GTSE1: variants seen among roughly 807,000 people sequenced by gnomAD.
GTSE1 encodes the protein G2 and S phase-expressed protein 1.
A neutral mutation model predicts 60.5 loss-of-function variants in GTSE1; 52 were observed. The observed-to-expected ratio is 0.86, with a 90% CI of 0.69 to 1.08. The LOEUF (loss-of-function observed/expected upper bound fraction) is 1.08, where lower values mean the gene tolerates loss of function less well. Ranked by LOEUF, GTSE1 falls within the 50% of genes least tolerant of loss-of-function variation. The pLI is 0.00. For missense variants in GTSE1, 937 were observed against 961.8 expected, an observed-to-expected ratio of 0.97 and a Z score of 0.34; for synonymous variants, 368 against 386.5, an observed-to-expected ratio of 0.95 and a Z score of 0.56.
In GTSE1 at chr22:46,318,513, A is replaced by G. The variant is rs2077793603; in HGVS notation, c.1432+2101A>G. On this transcript the variant is annotated intron_variant, in intron 7 of 11. Coordinates refer to ENST00000454366, the MANE Select transcript of GTSE1 (RefSeq NM_016426.7). This position sits in a 1 kb window ranked among gnomAD's most constrained non-coding sequence, Gnocchi z 4.8. ...CAGGCCTGCAGATCCTAGCACAACA[A>G]AGGGACTAAGGGAAGATGGTGTCCT... Among the ~76,000 whole-genome samples the G allele has an allele frequency of 6.6e-6, 1 of 152,166 alleles. No homozygotes were observed. Among genetic ancestry groups the G allele is most frequent in the Non-Finnish European group, 1.5e-5 (1 of 68,034 alleles).
rs942453346 is a variant in GTSE1 at position 46,313,293 on chromosome 22, G to A, written c.928-597G>A. 6.6e-6 allele frequency among the ~76,000 whole-genome samples: 1 copy of A among 151,996 alleles called. No homozygotes were observed. Among genetic ancestry groups the A allele is most frequent in the African/African-American group, 2.4e-5 (1 of 41,390 alleles). ...GTAAACCAAGCTGTGTGTACTGGCA[G>A]TTCTTGTTAGAACTGCCCAAAGCTG... On this transcript the variant is annotated intron_variant, in intron 5 of 11. Transcript: ENST00000454366. The surrounding 1 kb of genome is among the most constrained non-coding windows in gnomAD (Gnocchi z 4.4).
intron 3 of GTSE1, 34 bp downstream of exon 3, chr22:46,308,241 C>T (rs2077726262): frequency 3.7e-6 from 6 of 1,604,808 alleles, no homozygotes; most frequent in Non-Finnish European, 5.1e-6. Context: ...TTGCCTTGGG[C>T]ATAACCACAT....
chr22:46,299,741 G>A (rs958180504), intron 2 of GTSE1, among the ~76,000 whole-genome samples: 2 of 152,052 alleles, frequency 1.3e-5, no homozygotes, highest in East Asian at 1.9e-4. Flanking sequence ...ACACAGTAAC[G>A]TCACCTTTTA....
chr22:46,326,370 C>G (rs1305598328), intron 8 of GTSE1, 66 bp from the exon 9 acceptor site: 1 of 1,355,454 alleles, frequency 7.4e-7, no homozygotes, highest in Non-Finnish European at 1.0e-6. Context: ...TTAGCACAGG[C>G]TGAATGATGA....
chr22:46,314,081 T>C lies in GTSE1; in HGVS notation c.1051+68T>C. On this transcript the variant is annotated intron_variant, in intron 6 of 11. Transcript: ENST00000454366. This position sits in a 1 kb window ranked among gnomAD's most constrained non-coding sequence, Gnocchi z 7.1. ...TGAGGCCTGGAGTGCTGCTCAGGCCTTGGAGACTGTTTCTGCAGAACCACT... is the reference window on the plus strand; with the variant it reads ...TGAGGCCTGGAGTGCTGCTCAGGCCCTGGAGACTGTTTCTGCAGAACCACT... The C allele has an allele frequency of 1.3e-6, 2 of 1,580,920 alleles. No homozygotes were observed. Among genetic ancestry groups the C allele is most frequent in the South Asian group, 2.2e-5 (2 of 90,362 alleles).
rs773514719 is a variant in GTSE1 at position 46,312,146 on chromosome 22, G to A, written c.768G>A (p.Lys256=). 1 of 1,611,872 alleles carries A rather than the reference G, an allele frequency of 6.2e-7. No homozygotes were observed. Among genetic ancestry groups the A allele is most frequent in the South Asian group, 1.1e-5 (1 of 90,862 alleles). The part of the protein sequence containing the change: ...RSIPGAAEKP[K]KEIPASPSRT... ...GTTCAAATTAAAATTTTCAGCCCAA[G>A]AAAGAGATTCCAGCTAGTCCTTCCA... Residue 256 remains lysine (K), a synonymous_variant, in exon 5 of 12, where the codon AAG becomes AAA. Transcript: ENST00000454366.
intron 2 of GTSE1, among the ~76,000 whole-genome samples, chr22:46,302,125 CA>C (rs1020915699): frequency 4.6e-5 from 7 of 151,822 alleles, no homozygotes; most frequent in Non-Finnish European, 8.8e-5. Context: ...AACTCCGTCT[CA>C]AAAAAAGTAA....
intron 2 of GTSE1, among the ~76,000 whole-genome samples, chr22:46,298,876 C>T (rs2077673323): frequency 6.6e-6 from 1 of 152,212 alleles, no homozygotes; most frequent in South Asian, 2.1e-4. Context: ...AGATAATGTT[C>T]CCTTGTCTCA....
rs144426690 is a variant in GTSE1, at chr22:46,320,573, C to T, written c.1433-2617C>T. 2.1e-3 allele frequency among the ~76,000 whole-genome samples: 316 copies of T among 152,356 alleles called. No homozygotes were observed. Among genetic ancestry groups the T allele is most frequent in the Non-Finnish European group, 3.6e-3 (248 of 68,034 alleles). On this transcript the variant is annotated intron_variant, in intron 7 of 11. Coordinates refer to ENST00000454366, the MANE Select transcript of GTSE1 (RefSeq NM_016426.7). The surrounding 1 kb of genome is among the most constrained non-coding windows in gnomAD (Gnocchi z 7.1). ...AGGAGAGGTGAGGGCTGAGGGCACT[C>T]ACAGCGTGGGACCACATGAACGGTG...
Position 46,317,249 on chromosome 22 carries a change from G to A in GTSE1, c.1432+837G>A, listed in dbSNP as rs186981413. Among the ~76,000 whole-genome samples the A allele has an allele frequency of 6.6e-6, 1 of 152,296 alleles. No homozygotes were observed. Among genetic ancestry groups the A allele is most frequent in the Admixed American group, 6.5e-5 (1 of 15,302 alleles). On this transcript the variant is annotated intron_variant, in intron 7 of 11. Transcript: ENST00000454366. This position sits in a 1 kb window ranked among gnomAD's most constrained non-coding sequence, Gnocchi z 5.6. ...CTCAAACTGCTGGGATTATAGGTGT[G>A]AGCCACCGTGCCCGGCCCAGCCTTT...
rs761839429 is a variant in GTSE1 at position 46,326,531 on chromosome 22, C to G, written c.1601C>G (p.Ala534Gly). ...AWRVSALPTPASRRCSGLPPM... is the reference protein window; with the variant it reads ...AWRVSALPTPGSRRCSGLPPM... ...CGTGTGTCAGCCTTGCCCACACCCG[C>G]CAGCCGGCGCTGCTCTGGCCTTCCA... The change falls in exon 9 of 12, where the codon GCC (alanine) becomes GGC (glycine). Residue 534 changes from alanine (A) to glycine (G), a missense_variant. Ala to Gly is a moderately conservative substitution (Grantham distance 60, BLOSUM62 0). Coordinates refer to ENST00000454366, the MANE Select transcript of GTSE1 (RefSeq NM_016426.7). The G allele has an allele frequency of 1.9e-6, 3 of 1,614,146 alleles. No homozygotes were observed. The highest frequency in any genetic ancestry group is 1.6e-4 in the Middle Eastern group (1 of 6,062).
At chr22:46,298,261 C>G (rs752679412) in intron 2 of GTSE1, among the ~76,000 whole-genome samples, 1 of 151,806 alleles carries the variant, frequency 6.6e-6, no homozygotes, top group Non-Finnish European at 1.5e-5. Flanking sequence ...CCTCACCCAG[C>G]CTCACAAAGC....
chr22:46,322,736 A>C (rs1364946226), intron 7 of GTSE1, among the ~76,000 whole-genome samples: 5 of 152,248 alleles, frequency 3.3e-5, no homozygotes, highest in Non-Finnish European at 5.9e-5. Flanking sequence ...ATCCCAGTAA[A>C]GTCATGGTTC....
In GTSE1 at chr22:46,321,301, G is replaced by A. The variant is rs973727324; in HGVS notation, c.1433-1889G>A. Among the ~76,000 whole-genome samples, 2 of 152,218 alleles carry A rather than the reference G, an allele frequency of 1.3e-5. No homozygotes were observed. Among genetic ancestry groups the A allele is most frequent in the African/African-American group, 4.8e-5 (2 of 41,444 alleles). On this transcript the variant is annotated intron_variant, in intron 7 of 11. Coordinates refer to ENST00000454366, the MANE Select transcript of GTSE1 (RefSeq NM_016426.7). The surrounding 1 kb of genome is among the most constrained non-coding windows in gnomAD (Gnocchi z 4.0). ...CACCTGTAGTCCCAGCTACTTGGGA[G>A]ACTGAGGCAGGAAGATTACTTGAAC...
chr22:46,328,941 G>T, intron 10 of GTSE1, 52 bp downstream of exon 10: 1 of 1,423,916 alleles, frequency 7.0e-7, no homozygotes. Context: ...CCTGGAGGCT[G>T]CTCGGGAAGC....
At chr22:46,300,190 T>G (rs1159709025) in intron 2 of GTSE1, among the ~76,000 whole-genome samples, 4 of 151,984 alleles carry the variant, frequency 2.6e-5, no homozygotes, top group African/African-American at 9.7e-5. Flanking sequence ...CTCCGTCTCC[T>G]GGGTTCAAGT....
intron 2 of GTSE1, among the ~76,000 whole-genome samples, chr22:46,301,931 C>T (rs2077691731): frequency 6.6e-6 from 1 of 152,132 alleles, no homozygotes; most frequent in South Asian, 2.1e-4. Flanking sequence ...GAGTTCCAGA[C>T]CAGCCTGACC....
intron 2 of GTSE1, among the ~76,000 whole-genome samples, chr22:46,298,812 C>T (rs2077672946): frequency 6.6e-6 from 1 of 152,190 alleles, no homozygotes; most frequent in African/African-American, 2.4e-5. Context: ...GTTGACCTGA[C>T]TTCATTTCCT....
chr22:46,314,979 C>A lies in GTSE1; in HGVS notation c.1051+966C>A, dbSNP rs2147822951. On this transcript the variant is annotated intron_variant, in intron 6 of 11. Transcript: ENST00000454366. The surrounding 1 kb of genome is among the most constrained non-coding windows in gnomAD (Gnocchi z 7.1). ...TCTTTATAGACTGAGGTGATGACCTCCTGAGATCAAGCAATCCTCCCACCT... is the reference window on the plus strand; with the variant it reads ...TCTTTATAGACTGAGGTGATGACCTACTGAGATCAAGCAATCCTCCCACCT... Among the ~76,000 whole-genome samples the A allele has an allele frequency of 6.6e-6, 1 of 152,206 alleles. No individual in the cohort carries two copies.
Sources: allele counts gnomAD v4.1 joint callset (sites outside exome capture counted in the v4.1 genomes callset), GRCh38; gene constraint gnomAD v4.1.1; non-coding constraint Gnocchi (gnomAD v3.1); transcripts MANE v1.5; gene names NCBI Gene and HGNC (gene_info 2026-07-23, HGNC 2026-07-21).